PRKAR1B: variants seen among roughly 807,000 people sequenced by gnomAD.
The protein encoded by PRKAR1B is protein kinase cAMP-dependent type I regulatory subunit beta.
PRKAR1B carries 22 observed loss-of-function variants against 46.5 expected under a neutral mutation model. That is an observed-to-expected ratio of 0.47 (90% CI 0.34 to 0.68). The LOEUF is 0.68. Among genes scored for constraint, PRKAR1B ranks in the 30% least tolerant of loss-of-function variants. PRKAR1B has a pLI of 0.01. For missense variants in PRKAR1B, 445 were observed against 535.6 expected, an observed-to-expected ratio of 0.83 and a Z score of 1.67; for synonymous variants, 259 against 217.7, an observed-to-expected ratio of 1.19 and a Z score of -1.67.
Position 700,584 on chromosome 7 carries a change from C to CAGCA in PRKAR1B, c.177+10741_177+10744dup, listed in dbSNP as rs1440856515. The stretch of plus-strand genomic sequence containing the variant: ...GGATTATCAGGTTAACACTCTAAAG[C>CAGCA]AGCAATTTTAACTATTTTCCATGAA... On this transcript the variant is annotated intron_variant, in intron 2 of 10. Coordinates refer to ENST00000537384, the MANE Select transcript of PRKAR1B (RefSeq NM_001164760.2). Among the ~76,000 whole-genome samples the CAGCA allele has an allele frequency of 2.0e-5, 3 of 151,932 alleles. No individual in the cohort carries two copies. In the East Asian group the frequency reaches 5.8e-4, roughly 29 times the overall value.
intron 9 of PRKAR1B, among the ~76,000 whole-genome samples, chr7:557,601 C>T (rs1228908438): frequency 6.6e-6 from 1 of 152,128 alleles, no homozygotes; most frequent in Non-Finnish European, 1.5e-5. Context: ...GCAGGGGTGC[C>T]GACCTCCAGC....
intron 9 of PRKAR1B, among the ~76,000 whole-genome samples, chr7:578,254 T>C (rs539426499): frequency 6.7e-6 from 1 of 149,334 alleles, no homozygotes; most frequent in African/African-American, 2.4e-5. Flanking sequence ...CGCGAATTCC[T>C]GCCGTGTCCT....
intron 4 of PRKAR1B, among the ~76,000 whole-genome samples, chr7:675,549 A>T (rs893464623): frequency 6.6e-6 from 1 of 152,258 alleles, no homozygotes; most frequent in Non-Finnish European, 1.5e-5. Flanking sequence ...AGAATTTTCA[A>T]TATGTTACAC....
Position 549,459 on chromosome 7 carries a change from C to CG in PRKAR1B, c.*970dup, listed in dbSNP as rs1784041004. 1 of 152,348 alleles carries CG rather than the reference C, an allele frequency of 6.6e-6. No individual in the cohort carries two copies. The highest frequency in any genetic ancestry group is 2.1e-4 in the South Asian group (1 of 4,832). 9.4% of individuals were successfully genotyped at this position (152,348 alleles called of 1,614,324 possible). A position where few individuals can be genotyped will look rare whatever the true frequency, so the allele number is the denominator to read the frequency against. On this transcript the variant is annotated 3_prime_UTR_variant, in exon 11 of 11. Transcript: ENST00000537384. ...AACTGCAATGACCTCGCTTGTCTTT[C>CG]GGGGGAACCCAGGAATCCCCTGGGA... is the stretch of plus-strand genomic sequence containing the variant.
chr7:724,695 C>A (rs192275630), intron 1 of PRKAR1B, among the ~76,000 whole-genome samples: 258 of 152,362 alleles, frequency 1.7e-3, no homozygotes, highest in African/African-American at 6.1e-3. Context: ...TCCCTTGACA[C>A]TCATTCTCTC....
intron 9 of PRKAR1B, among the ~76,000 whole-genome samples, chr7:564,477 C>T (rs924151198): frequency 6.6e-6 from 1 of 152,220 alleles, no homozygotes; most frequent in Non-Finnish European, 1.5e-5. Flanking sequence ...TGGCTCGGAG[C>T]TTTGCACTGC....
At chr7:696,258 C>T (rs1267919699) in intron 2 of PRKAR1B, among the ~76,000 whole-genome samples, 1 of 151,522 alleles carries the variant, frequency 6.6e-6, no homozygotes, top group Non-Finnish European at 1.5e-5. Context: ...CCACAGCACC[C>T]GGCCCCAATG....
chr7:628,476 A>C (rs773429257), intron 4 of PRKAR1B, among the ~76,000 whole-genome samples: 13 of 152,222 alleles, frequency 8.5e-5, no homozygotes, highest in Non-Finnish European at 1.9e-4. Flanking sequence ...GAGGAAGAAA[A>C]GAGCCCCAGC....
At position 596,242 on chromosome 7, in the gene PRKAR1B, C is replaced by A. The variant is rs770300991; in HGVS notation, c.612G>T (p.Ala204=). Residue 204 remains alanine, a synonymous_variant, in exon 7 of 11, where the codon GCG becomes GCT. Transcript: ENST00000537384. Reference sequence around the variant, plus strand: ...CAGCCCTGGGGGTGCCGTAGATGAGCGCCAGCTCCCCGAAGCTGCCTCCCT... The same window carrying A: ...CAGCCCTGGGGGTGCCGTAGATGAGAGCCAGCTCCCCGAAGCTGCCTCCCT... ...ISEGGSFGEL[A]LIYGTPRAAT... The A allele has an allele frequency of 1.5e-5, 24 of 1,613,918 alleles. No individual in the cohort carries two copies. Among genetic ancestry groups the A allele is most frequent in the Non-Finnish European group, 2.0e-5 (24 of 1,179,982 alleles).
chr7:718,988 C>G (rs1244881128), intron 1 of PRKAR1B, among the ~76,000 whole-genome samples: 2 of 151,718 alleles, frequency 1.3e-5, no homozygotes, highest in East Asian at 3.9e-4. Flanking sequence ...CCTCCCACCC[C>G]AGCCTCCTGA....
chr7:584,204 G>C (rs1445061735), intron 8 of PRKAR1B, among the ~76,000 whole-genome samples: 1 of 152,212 alleles, frequency 6.6e-6, no homozygotes, highest in Non-Finnish European at 1.5e-5. Context: ...GGAAGGCTGG[G>C]GGCGCGGCTC....
At chr7:691,944 A>T in intron 2 of PRKAR1B, 1 of 780,572 alleles carries the variant, frequency 1.3e-6, no homozygotes, top group Non-Finnish European at 1.6e-6. Flanking sequence ...CCCCAGGCTG[A>T]ATCACTGGGA....
In PRKAR1B at chr7:644,966, G is replaced by A. The variant is rs576340242; in HGVS notation, c.440+32263C>T. 5.0e-4 allele frequency among the ~76,000 whole-genome samples: 76 copies of A among 152,164 alleles called. No homozygotes were observed. Among genetic ancestry groups the A allele is most frequent in the Admixed American group, 1.1e-3 (17 of 15,272 alleles). Reference sequence around the variant, plus strand: ...GTGACCCAAGACAAGCCTCTTCTCCGCAATGAGCCGTCTCTTCAGCCTCTA... The same window carrying A: ...GTGACCCAAGACAAGCCTCTTCTCCACAATGAGCCGTCTCTTCAGCCTCTA... On this transcript the variant is annotated intron_variant, in intron 4 of 10. Coordinates refer to ENST00000537384, the MANE Select transcript of PRKAR1B (RefSeq NM_001164760.2). The surrounding 1 kb of genome is among the most constrained non-coding windows in gnomAD (Gnocchi z 4.9).
At chr7:670,445 A>G (rs1786173212) in intron 4 of PRKAR1B, among the ~76,000 whole-genome samples, 1 of 152,262 alleles carries the variant, frequency 6.6e-6, no homozygotes, top group Non-Finnish European at 1.5e-5. Flanking sequence ...GCTGAGCCCA[A>G]GAGCTAGGCG....
chr7:597,347 G>A (rs144904782), intron 6 of PRKAR1B, among the ~76,000 whole-genome samples: 2,389 of 152,324 alleles, frequency 0.016, 53 homozygotes, highest in African/African-American at 0.052. Context: ...ACAAGTGAGC[G>A]CTGGGGAGAA....
At chr7:641,396 A>G (rs1227415887) in intron 4 of PRKAR1B, among the ~76,000 whole-genome samples, 1 of 152,214 alleles carries the variant, frequency 6.6e-6, no homozygotes, top group African/African-American at 2.4e-5. Flanking sequence ...CAAACAGAAA[A>G]CAACACAAAT....
intron 1 of PRKAR1B, among the ~76,000 whole-genome samples, chr7:715,935 T>C (rs1284980768): frequency 6.6e-6 from 1 of 152,158 alleles, no homozygotes; most frequent in Admixed American, 6.5e-5. Context: ...CAGGATGGTC[T>C]CGGTCTCCTG....
At chr7:709,237 A>G (rs188183620) in intron 2 of PRKAR1B, among the ~76,000 whole-genome samples, 8 of 152,210 alleles carry the variant, frequency 5.3e-5, no homozygotes, top group Admixed American at 3.9e-4. Flanking sequence ...GAATATATAA[A>G]AAATGAAAAA....
intron 10 of PRKAR1B, 28 bp from the exon 11 acceptor site, chr7:550,630 T>C: frequency 6.6e-7 from 1 of 1,514,490 alleles, no homozygotes; most frequent in Non-Finnish European, 8.8e-7. Flanking sequence ...AGGTCAGGGC[T>C]GGGCCTGGGG....
Sources: gnomAD v4.1 joint callset for allele counts (sites outside exome capture counted in the v4.1 genomes callset) on GRCh38, gnomAD v4.1.1 for gene constraint, Gnocchi (gnomAD v3.1) non-coding constraint, MANE v1.5 for transcripts, NCBI Gene and HGNC (gene_info 2026-07-23, HGNC 2026-07-21) for gene names.